Variants in COL4A1 observed in about 807,000 individuals in gnomAD.
COL4A1 encodes collagen alpha-1(IV) chain.
A neutral mutation model predicts 216.6 loss-of-function variants in COL4A1; 40 were observed. That is an observed-to-expected ratio of 0.18 (90% CI 0.14 to 0.24). The LOEUF (loss-of-function observed/expected upper bound fraction) is 0.24, where lower values mean the gene tolerates loss of function less well. COL4A1 is among the 10% of genes least tolerant of loss of function. The pLI is 1.00. For synonymous variants in COL4A1, 839 were observed against 810.7 expected, an observed-to-expected ratio of 1.03 and a Z score of -0.59; for missense variants, 1,628 against 2,196.8, an observed-to-expected ratio of 0.74 and a Z score of 5.18.
At chr13:110,204,101 A>G (rs568354249) in intron 17 of COL4A1, among the ~76,000 whole-genome samples, 1 of 152,248 alleles carries the variant, frequency 6.6e-6, no homozygotes, top group African/African-American at 2.4e-5. Flanking sequence ...AACTGAAAAC[A>G]TTAGTGGATA....
rs1594525327 is a variant in COL4A1, at chr13:110,150,158, T to C, written c.*205A>G. 1 of 632,536 alleles carries C rather than the reference T, an allele frequency of 1.6e-6. No individual in the cohort carries two copies. 39.2% of individuals were successfully genotyped at this position (632,536 alleles called of 1,614,324 possible). A position where few individuals can be genotyped will look rare whatever the true frequency, so the allele number is the denominator to read the frequency against. Reference sequence around the variant, plus strand: ...AAAAGTGCCATTTGGTATGCCACTATTGAAAGCTTATCGCTGTCTTTTTCT... The same window carrying C: ...AAAAGTGCCATTTGGTATGCCACTACTGAAAGCTTATCGCTGTCTTTTTCT... On this transcript the variant is annotated 3_prime_UTR_variant, in exon 52 of 52. Coordinates refer to ENST00000375820, the MANE Select transcript of COL4A1 (RefSeq NM_001845.6).
intron 19 of COL4A1, 94 bp downstream of exon 19, chr13:110,201,344 A>T: frequency 3.4e-6 from 2 of 595,472 alleles, no homozygotes; most frequent in Non-Finnish European, 5.4e-6. Flanking sequence ...GAGGAGGAAC[A>T]GGAGGAGGAG....
intron 49 of COL4A1, among the ~76,000 whole-genome samples, chr13:110,159,836 G>T (rs1290307913): frequency 6.6e-6 from 1 of 152,166 alleles, no homozygotes; most frequent in Admixed American, 6.5e-5. Context: ...TATGCTGAGT[G>T]AAACAGGCCA....
intron 1 of COL4A1, among the ~76,000 whole-genome samples, chr13:110,253,837 C>A (rs926316835): frequency 7.5e-6 from 1 of 133,244 alleles, no homozygotes; most frequent in East Asian, 2.2e-4. Flanking sequence ...ATTATATATA[C>A]GTATAATTAT....
In COL4A1 at chr13:110,207,143, A is replaced by G. The variant is rs1348122106; in HGVS notation, c.781-252T>C. Among the ~76,000 whole-genome samples, 2 of 151,526 alleles carry G rather than the reference A, an allele frequency of 1.3e-5. No homozygotes were observed. The highest frequency in any genetic ancestry group is 3.9e-4 in the East Asian group (2 of 5,144). ...CAGCCCAGCTCCCTCCTCCTGACCAAGCCATCTCCAACTTGGGGCACATTT... is the reference window on the plus strand; with the variant it reads ...CAGCCCAGCTCCCTCCTCCTGACCAGGCCATCTCCAACTTGGGGCACATTT... On this transcript the variant is annotated intron_variant, in intron 13 of 51. Coordinates refer to ENST00000375820, the MANE Select transcript of COL4A1 (RefSeq NM_001845.6). The surrounding 1 kb of genome is among the most constrained non-coding windows in gnomAD (Gnocchi z 4.4).
chr13:110,277,037 A>T (rs1883457337), intron 1 of COL4A1, among the ~76,000 whole-genome samples: 1 of 152,218 alleles, frequency 6.6e-6, no homozygotes, highest in South Asian at 2.1e-4. Context: ...GCTCCCAGTT[A>T]TCTGCCTGAC....
In COL4A1 at chr13:110,167,088, G is replaced by A. The variant is rs140243770; in HGVS notation, c.3949+70C>T. ...CGGTGCTATCAGTGCTAAGGTGCCC[G>A]AGGTTAGCAAGCTCTTCACACAGCG... On this transcript the variant is annotated intron_variant, in intron 44 of 51. Coordinates refer to ENST00000375820, the MANE Select transcript of COL4A1 (RefSeq NM_001845.6). The A allele has an allele frequency of 6.2e-4, 794 of 1,288,360 alleles. 12 individuals carry two copies. In the East Asian group the frequency reaches 0.018, roughly 29 times the overall value. 79.8% of individuals were successfully genotyped at this position (1,288,360 alleles called of 1,614,324 possible). A position where few individuals can be genotyped will look rare whatever the true frequency, so the allele number is the denominator to read the frequency against.
At chr13:110,193,424 C>A (rs772939839) in intron 22 of COL4A1, among the ~76,000 whole-genome samples, 3 of 152,160 alleles carry the variant, frequency 2.0e-5, no homozygotes, top group African/African-American at 7.2e-5. Context: ...AGAGAGACTG[C>A]AGCCCTGAAA....
At chr13:110,191,951 T>A (rs1163581071) in intron 24 of COL4A1, among the ~76,000 whole-genome samples, 2 of 152,210 alleles carry the variant, frequency 1.3e-5, no homozygotes, top group Non-Finnish European at 2.9e-5. Context: ...CAGCCACACC[T>A]GAACACAGGT....
At chr13:110,217,223 T>C (rs1158751080) in intron 2 of COL4A1, among the ~76,000 whole-genome samples, 1 of 152,206 alleles carries the variant, frequency 6.6e-6, no homozygotes, top group Non-Finnish European at 1.5e-5. Context: ...CAGCATGCAG[T>C]ATGGGGCCAA....
In COL4A1 at chr13:110,198,617, C is replaced by A. The variant is rs1442191354; in HGVS notation, c.1135G>T (p.Gly379Trp). The A allele has an allele frequency of 1.2e-6, 2 of 1,614,094 alleles. No homozygotes were observed. The highest frequency in any genetic ancestry group is 1.1e-5 in the South Asian group (1 of 91,078). Residue 379 changes from glycine to tryptophan, a missense_variant, in exon 21 of 52, where the codon GGG becomes TGG. Transcript: ENST00000375820. ...QPGPPGLPVP[G>W]QAGAPGFPGE... is the part of the protein sequence containing the mutation. ...GGGAAGCCAGGGGCACCAGCCTGCC[C>A]AGGTACAGGGAGGCCTGCAACCAGA...
intron 1 of COL4A1, among the ~76,000 whole-genome samples, chr13:110,254,023 C>T (rs751678035): frequency 2.0e-5 from 3 of 151,956 alleles, no homozygotes; most frequent in East Asian, 1.9e-4. Context: ...ACTTTTTGAG[C>T]GCCAACATGA....
intron 49 of COL4A1, among the ~76,000 whole-genome samples, chr13:110,159,404 G>A (rs76798409): frequency 0.013 from 2,049 of 152,228 alleles, 33 homozygotes; most frequent in African/African-American, 0.046. Context: ...ATTTCATAGG[G>A]GCCCCCTCAC....
At chr13:110,295,786 T>A (rs1290271926) in intron 1 of COL4A1, among the ~76,000 whole-genome samples, 1 of 152,226 alleles carries the variant, frequency 6.6e-6, no homozygotes, top group African/African-American at 2.4e-5. Flanking sequence ...TACATGCAAA[T>A]ATTTACATGG....
At position 110,150,242 on chromosome 13, in the gene COL4A1, G is replaced by T; in HGVS notation, c.*121C>A. ...TGTTAGTTACGCAAATTCCTATAAG[G>T]CACTTTACGGTTTTCATATTGGACA... is the stretch of plus-strand genomic sequence containing the variant. On this transcript the variant is annotated 3_prime_UTR_variant, in exon 52 of 52. Coordinates refer to ENST00000375820, the MANE Select transcript of COL4A1 (RefSeq NM_001845.6). 1.1e-6 allele frequency: 1 copy of T among 926,108 alleles called. No homozygotes were observed. Among genetic ancestry groups the T allele is most frequent in the Non-Finnish European group, 1.7e-6 (1 of 586,996 alleles). The allele number at this position is 926,108 out of a possible 1,614,324, so 57.4% of individuals were successfully genotyped here. A position where few individuals can be genotyped will look rare whatever the true frequency, so the allele number is the denominator to read the frequency against.
At chr13:110,225,498 G>A (rs1242624271) in intron 2 of COL4A1, among the ~76,000 whole-genome samples, 11 of 152,148 alleles carry the variant, frequency 7.2e-5, no homozygotes, top group African/African-American at 2.4e-4. Context: ...CAGGAGAATC[G>A]CTTGAACCCA....
At chr13:110,201,892 G>A (rs1056398962) in intron 18 of COL4A1, among the ~76,000 whole-genome samples, 6 of 152,212 alleles carry the variant, frequency 3.9e-5, no homozygotes, top group Non-Finnish European at 7.3e-5. Flanking sequence ...TGAGACGGGA[G>A]AATCGCTCGA....
intron 28 of COL4A1, among the ~76,000 whole-genome samples, chr13:110,182,383 A>T (rs1307225183): frequency 6.6e-6 from 1 of 152,174 alleles, no homozygotes; most frequent in Non-Finnish European, 1.5e-5. Flanking sequence ...ACGAAGACAA[A>T]CTTCCTTACA....
intron 1 of COL4A1, among the ~76,000 whole-genome samples, chr13:110,281,194 G>C (rs1362583517): frequency 6.6e-6 from 1 of 152,174 alleles, no homozygotes; most frequent in Non-Finnish European, 1.5e-5. Context: ...TGGGATAACA[G>C]CTGTAAGGAG....
Sources: allele counts gnomAD v4.1 joint callset (sites outside exome capture counted in the v4.1 genomes callset), GRCh38; gene constraint gnomAD v4.1.1; non-coding constraint Gnocchi (gnomAD v3.1); transcripts MANE v1.5; gene names NCBI Gene and HGNC (gene_info 2026-07-23, HGNC 2026-07-21).